NBPF26: variants seen among roughly 807,000 people sequenced by gnomAD.
The protein encoded by NBPF26 is NBPF family member NBPF26.
In NBPF26, 79 loss-of-function variants were observed where a neutral mutation model predicts 119.6. That is an observed-to-expected ratio of 0.66 (90% CI 0.55 to 0.80). NBPF26 has a LOEUF of 0.80. Among genes scored for constraint, NBPF26 ranks in the 30% least tolerant of loss-of-function variants. The pLI, the probability that NBPF26 is intolerant of heterozygous loss-of-function variation, is 0.00. For missense variants in NBPF26, 800 were observed against 1,198.2 expected, an observed-to-expected ratio of 0.67 and a Z score of 4.91; for synonymous variants, 299 against 457.7, an observed-to-expected ratio of 0.65 and a Z score of 4.43.
chr1:120,805,187 C>T (rs1367280459), intron 4 of NBPF26, among the ~76,000 whole-genome samples: 2,448 of 111,280 alleles, frequency 0.022, 570 homozygotes, highest in Admixed American at 0.031. Flanking sequence ...TGGTGGTGAC[C>T]CTCAGGTGAG....
intron 18 of NBPF26, among the ~76,000 whole-genome samples, chr1:120,825,263 G>C (rs1404487951): frequency 1.4e-4 from 17 of 122,576 alleles, no homozygotes; most frequent in African/African-American, 7.8e-4. Context: ...CCCTTCATCT[G>C]TGTGTCACCC....
At chr1:120,840,637 C>G, downstream of NBPF26, 3 of 1,450,392 alleles carry the variant, frequency 2.1e-6, 1 homozygote, top group Non-Finnish European at 2.8e-6. Context: ...GCAGGCAGGA[C>G]CTATAGGCAC....
In NBPF26 at chr1:120,778,323, C is replaced by T. The variant is rs1390030402; in HGVS notation, c.156-6651C>T. Among the ~76,000 whole-genome samples the T allele has an allele frequency of 7.6e-5, 6 of 79,338 alleles. 1 individual carries two copies. Among genetic ancestry groups the T allele is most frequent in the Admixed American group, 1.2e-4 (1 of 8,062 alleles). 52.0% of individuals were successfully genotyped at this position (79,338 alleles called of 152,430 possible). ...CGGATTGGGGGGCCAAGAGGCCCAGCGCAAGAAGAAAGTGGGTTGAAAGCA... is the reference window on the plus strand; with the variant it reads ...CGGATTGGGGGGCCAAGAGGCCCAGTGCAAGAAGAAAGTGGGTTGAAAGCA... On this transcript the variant is annotated intron_variant, in intron 2 of 29. Coordinates refer to ENST00000620612, the Ensembl canonical transcript of NBPF26.
chr1:120,755,569 GATT>G (rs1478395628), intron 1 of NBPF26, among the ~76,000 whole-genome samples: 2 of 30,352 alleles, frequency 6.6e-5, no homozygotes, highest in Non-Finnish European at 1.2e-4. Flanking sequence ...AAACACTGAT[GATT>G]TTTTTTTGCA....
In NBPF26 at chr1:120,756,070, T is replaced by A. The variant is rs1176144211; in HGVS notation, c.74-7558T>A. Among the ~76,000 whole-genome samples the A allele has an allele frequency of 3.5e-5, 4 of 115,262 alleles. 2 individuals are homozygous for A. Among genetic ancestry groups the A allele is most frequent in the African/African-American group, 1.0e-4 (2 of 19,438 alleles). 75.6% of individuals were successfully genotyped at this position (115,262 alleles called of 152,430 possible). A position where few individuals can be genotyped will look rare whatever the true frequency, so the allele number is the denominator to read the frequency against. ...CGCACTTCTTCTGTTTGTTTGGATT[T>A]TTTTTTCATGGCTTGATCCCAAAAA... On this transcript the variant is annotated intron_variant, in intron 1 of 29. Transcript: ENST00000620612.
chr1:120,790,587 TC>T lies in NBPF26; in HGVS notation c.416-2573del, dbSNP rs1651480098. ...TTCTTTCTTTCTTTCTTTCTTTCTTTCTTTCTCTTTCTCTCTCTTTCCCTCT... is the reference window on the plus strand; with the variant it reads ...TTCTTTCTTTCTTTCTTTCTTTCTTTTTTCTCTTTCTCTCTCTTTCCCTCT... On this transcript the variant is annotated intron_variant, in intron 3 of 29. Coordinates refer to ENST00000620612, the Ensembl canonical transcript of NBPF26. Among the ~76,000 whole-genome samples, 24 of 105,130 alleles carry T rather than the reference TC, an allele frequency of 2.3e-4. 1 individual carries two copies. Among genetic ancestry groups the T allele is most frequent in the Non-Finnish European group, 3.7e-4 (21 of 56,632 alleles). 69.0% of individuals were successfully genotyped at this position (105,130 alleles called of 152,430 possible).
At chr1:120,816,897 C>G in intron 14 of NBPF26, 70 bp downstream of exon 14, 2 of 1,432,010 alleles carry the variant, frequency 1.4e-6, no homozygotes, top group South Asian at 1.2e-5. Context: ...AAGACAGGCT[C>G]TATAAACACA....
rs1195423850 is a variant in NBPF26, at chr1:120,818,471, G to GTC, written c.2423+306_2423+307dup. On this transcript the variant is annotated intron_variant, in intron 15 of 29. Transcript: ENST00000620612. ...ATTGATTTTTTGAAGGGTTTTTTGT[G>GTC]TCTCTCTCTCCTTTAGTTCTGCTCT... Among the ~76,000 whole-genome samples, 9 of 123,040 alleles carry GTC rather than the reference G, an allele frequency of 7.3e-5. 1 individual carries two copies. The highest frequency in any genetic ancestry group is 6.3e-4 in the Admixed American group (8 of 12,784). The allele number at this position is 123,040 out of a possible 152,430, so 80.7% of individuals were successfully genotyped here.
Position 120,822,042 on chromosome 1 carries a change from T to G in NBPF26, c.2424-62T>G. 3.5e-6 allele frequency: 5 copies of G among 1,445,748 alleles called. 1 individual carries two copies. Among genetic ancestry groups the G allele is most frequent in the Non-Finnish European group, 4.6e-6 (5 of 1,081,358 alleles). The allele number at this position is 1,445,748 out of a possible 1,614,324, so 89.6% of individuals were successfully genotyped here. Reference sequence around the variant, plus strand: ...GTCTCCCATCAGATCATCTGGGAGGTTTTGTTGTCTAAAGTCTGTTGGTTA... The same window carrying G: ...GTCTCCCATCAGATCATCTGGGAGGGTTTGTTGTCTAAAGTCTGTTGGTTA... On this transcript the variant is annotated intron_variant, in intron 15 of 29. Transcript: ENST00000620612.
Position 120,806,628 on chromosome 1 carries a change from A to G in NBPF26, c.961+863A>G, listed in dbSNP as rs1471789039. 1.0e-4 allele frequency among the ~76,000 whole-genome samples: 13 copies of G among 123,934 alleles called. 4 individuals carry two copies. Among genetic ancestry groups the G allele is most frequent in the South Asian group, 7.3e-4 (3 of 4,088 alleles). The allele number at this position is 123,934 out of a possible 152,430, so 81.3% of individuals were successfully genotyped here. A position where few individuals can be genotyped will look rare whatever the true frequency, so the allele number is the denominator to read the frequency against. On this transcript the variant is annotated intron_variant, in intron 5 of 29. Coordinates refer to ENST00000620612, the Ensembl canonical transcript of NBPF26. Reference sequence around the variant, plus strand: ...ACAAAACGATAAATAAATCAAAAATAAAAATAAAAAGCAGAGAGTACCTTG... The same window carrying G: ...ACAAAACGATAAATAAATCAAAAATGAAAATAAAAAGCAGAGAGTACCTTG...
chr1:120,806,898 C>A (rs1553270162), intron 5 of NBPF26, among the ~76,000 whole-genome samples: 3 of 125,258 alleles, frequency 2.4e-5, no homozygotes, highest in Non-Finnish European at 4.9e-5. Context: ...TATTTCCTGT[C>A]AATCTCCTTG....
chr1:120,790,618 TTCTG>T (rs1379523751), intron 3 of NBPF26, among the ~76,000 whole-genome samples: 1 of 106,968 alleles, frequency 9.3e-6, no homozygotes, highest in Non-Finnish European at 1.7e-5. Context: ...CCCTCTCTCT[TTCTG>T]TCTTTCTTTC....
In NBPF26 at chr1:120,806,618, A is replaced by C. The variant is rs1651692061; in HGVS notation, c.961+853A>C. Reference sequence around the variant, plus strand: ...AAACAAACAAACAAAACGATAAATAAATCAAAAATAAAAATAAAAAGCAGA... The same window carrying C: ...AAACAAACAAACAAAACGATAAATACATCAAAAATAAAAATAAAAAGCAGA... On this transcript the variant is annotated intron_variant, in intron 5 of 29. Coordinates refer to ENST00000620612, the Ensembl canonical transcript of NBPF26. 5.6e-5 allele frequency among the ~76,000 whole-genome samples: 7 copies of C among 124,298 alleles called. 2 individuals carry two copies. The South Asian group carries it at 1.7e-3, about 30-fold the overall frequency. 81.5% of individuals were successfully genotyped at this position (124,298 alleles called of 152,430 possible). A position where few individuals can be genotyped will look rare whatever the true frequency, so the allele number is the denominator to read the frequency against.
intron 9 of NBPF26, among the ~76,000 whole-genome samples, chr1:120,811,438 G>T (rs1327263299): frequency 9.0e-6 from 1 of 111,540 alleles, no homozygotes; most frequent in Non-Finnish European, 1.7e-5. Flanking sequence ...CCAGATGCTT[G>T]GCAGGCTGAG....
chr1:120,793,229 G>T lies in NBPF26; in HGVS notation c.484G>T (p.Val162Leu). ...TGCAAATGGAAGTACCTGTACCACT[G>T]TGGCCAACCAGTTCTCCTGCAAATG... The change falls in exon 4 of 30, where the codon GTG becomes TTG. Residue 162 changes from valine (V) to leucine (L), a missense_variant. Physicochemically the swap from Val to Leu is conservative, Grantham distance 32 (BLOSUM62 1). This residue lies in a region of NBPF26 where 209 missense variants were observed against 285.2 expected (regional missense o/e 0.73). Coordinates refer to ENST00000620612, the Ensembl canonical transcript of NBPF26. The T allele has an allele frequency of 2.1e-6, 3 of 1,441,464 alleles. 1 individual carries two copies. Among genetic ancestry groups the T allele is most frequent in the Non-Finnish European group, 2.8e-6 (3 of 1,080,434 alleles). 89.3% of individuals were successfully genotyped at this position (1,441,464 alleles called of 1,614,324 possible). A position where few individuals can be genotyped will look rare whatever the true frequency, so the allele number is the denominator to read the frequency against.
intron 2 of NBPF26, 114 bp from the exon 3 acceptor site, chr1:120,784,860 G>T: frequency 9.5e-7 from 1 of 1,054,434 alleles, no homozygotes; most frequent in Non-Finnish European, 1.3e-6. Context: ...GGTACTTGTA[G>T]GTCTGTTGAT....
chr1:120,840,260 C>G lies in NBPF26; in HGVS notation c.4104-90C>G, dbSNP rs1553273366. The G allele has an allele frequency of 4.9e-5, 70 of 1,426,434 alleles. 13 individuals are homozygous for G. Among genetic ancestry groups the G allele is most frequent in the Non-Finnish European group, 6.4e-5 (69 of 1,072,936 alleles). 88.4% of individuals were successfully genotyped at this position (1,426,434 alleles called of 1,614,324 possible). A position where few individuals can be genotyped will look rare whatever the true frequency, so the allele number is the denominator to read the frequency against. On this transcript the variant is annotated intron_variant, in intron 29 of 29. Transcript: ENST00000620612. ...TGGATCTATCCTTTTTCTTTTCTAACCACTTCCTTATGTTACTTCTGAAAT... is the reference window on the plus strand; with the variant it reads ...TGGATCTATCCTTTTTCTTTTCTAAGCACTTCCTTATGTTACTTCTGAAAT...
chr1:120,792,945 CCACT>C (rs1256348149), intron 3 of NBPF26, among the ~76,000 whole-genome samples: 1 of 73,874 alleles, frequency 1.4e-5, no homozygotes, highest in Non-Finnish European at 2.4e-5. Context: ...GGTGCTCCAC[CCACT>C]GAGTCCTTGT....
At chr1:120,832,230 A>C in intron 22 of NBPF26, 70 bp downstream of exon 26, 1 of 81,440 alleles carries the variant, frequency 1.2e-5, no homozygotes, top group South Asian at 1.1e-4. Context: ...TTCCTGCTCC[A>C]AGTGGCCATT....
Sources: gnomAD v4.1 joint callset for allele counts (sites outside exome capture counted in the v4.1 genomes callset) on GRCh38, gnomAD v4.1.1 for gene constraint, gnomAD v4.1.1 regional missense constraint, MANE v1.5 for transcripts, NCBI Gene and HGNC (gene_info 2026-07-23, HGNC 2026-07-21) for gene names.